NCF2: variants seen among roughly 807,000 people sequenced by gnomAD.
NCF2 encodes the protein neutrophil cytosolic factor 2.
NCF2 carries 45 observed loss-of-function variants against 70.9 expected under a neutral mutation model. The ratio of observed to expected loss-of-function variants is 0.63; its 90% CI spans 0.50 to 0.81. The LOEUF (loss-of-function observed/expected upper bound fraction) is 0.81, where lower values mean the gene tolerates loss of function less well. NCF2 is among the 40% of genes least tolerant of loss of function. NCF2 has a pLI of 0.00. For missense variants in NCF2, 522 were observed against 631.6 expected (o/e 0.83, Z 1.86); for synonymous variants, 203 against 233.6 (o/e 0.87, Z 1.19).
the NCF2 span, chr1:183,597,772 C>A: frequency 6.6e-6 from 1 of 152,336 alleles, no homozygotes; most frequent in East Asian, 1.9e-4. Flanking sequence ...CCTGTAGTGT[C>A]CCTAACGACC....
At chr1:183,586,402 TC>T (rs1406136590) in intron 2 of NCF2, among the ~76,000 whole-genome samples, 2 of 152,272 alleles carry the variant, frequency 1.3e-5, no homozygotes, top group African/African-American at 4.8e-5. Flanking sequence ...TACTTACTTA[TC>T]TGTAGTAATT....
the NCF2 span, among the ~76,000 whole-genome samples, chr1:183,600,484 C>A: frequency 5.6e-4 from 86 of 152,320 alleles, no homozygotes; most frequent in Non-Finnish European, 1.0e-3. Flanking sequence ...CAAAGATTGT[C>A]TTCTGTTCAT....
chr1:183,580,527 C>A (rs974273808), intron 2 of NCF2, among the ~76,000 whole-genome samples: 1 of 152,180 alleles, frequency 6.6e-6, no homozygotes, highest in Non-Finnish European at 1.5e-5. Context: ...AGAGGGCACA[C>A]ACTTTAACTG....
chr1:183,590,393 G>A lies in NCF2; in HGVS notation c.-64C>T, dbSNP rs561556995. The stretch of plus-strand genomic sequence containing the variant: ...AGACAGAGAGAAGACAGGTTGGAGC[G>A]TCTCCCCTAGCAGGGCTGCCTTAGT... On this transcript the variant is annotated 5_prime_UTR_variant, in exon 1 of 15. It adds an upstream start codon to the 5' untranslated region. Transcript: ENST00000367535. 117 of 1,593,628 alleles carry A rather than the reference G, an allele frequency of 7.3e-5. No individual in the cohort carries two copies. The highest frequency in any genetic ancestry group is 7.7e-5 in the South Asian group (7 of 90,356).
intron 13 of NCF2, among the ~76,000 whole-genome samples, chr1:183,562,527 C>A (rs1318785676): frequency 6.6e-6 from 1 of 152,108 alleles, no homozygotes; most frequent in Non-Finnish European, 1.5e-5. Flanking sequence ...TTATACACTG[C>A]CCTTTTCTAG....
Position 183,573,571 on chromosome 1 carries a change from G to T in NCF2, c.502-279C>A, listed in dbSNP as rs529496026. Among the ~76,000 whole-genome samples the T allele has an allele frequency of 6.9e-4, 105 of 152,198 alleles. 1 individual carries two copies. Among genetic ancestry groups the T allele is most frequent in the African/African-American group, 2.3e-3 (95 of 41,516 alleles). ...TCCTCTCCCACTCTGTGTGCTGTCC[G>T]TGGGGTTCTCTCATGGTGTAGAGGG... On this transcript the variant is annotated intron_variant, in intron 4 of 14. Transcript: ENST00000367535.
At chr1:183,586,573 C>T (rs1673362696) in intron 2 of NCF2, among the ~76,000 whole-genome samples, 3 of 152,138 alleles carry the variant, frequency 2.0e-5, no homozygotes, top group Admixed American at 1.3e-4. Context: ...AGCTCAGTAC[C>T]TCATAGGAGA....
chr1:183,583,296 C>T (rs1036462389), intron 2 of NCF2, among the ~76,000 whole-genome samples: 9 of 152,264 alleles, frequency 5.9e-5, no homozygotes, highest in Middle Eastern at 3.4e-3. Flanking sequence ...TCAGGTGATC[C>T]GCCTACCTTG....
At position 183,556,083 on chromosome 1, in the gene NCF2, T is replaced by G. The variant is rs1671759161; in HGVS notation, c.*35A>C. On this transcript the variant is annotated 3_prime_UTR_variant, in exon 15 of 15. Transcript: ENST00000367535. Reference sequence around the variant, plus strand: ...AAATCTTACAAACAAGTAATAGGGCTTCATTTTCTTCAGCTTTGTAGTTTG... The same window carrying G: ...AAATCTTACAAACAAGTAATAGGGCGTCATTTTCTTCAGCTTTGTAGTTTG... The G allele has an allele frequency of 6.4e-7, 1 of 1,551,250 alleles. No individual in the cohort carries two copies. Among genetic ancestry groups the G allele is most frequent in the East Asian group, 2.2e-5 (1 of 44,592 alleles).
intron 14 of NCF2, among the ~76,000 whole-genome samples, chr1:183,558,421 C>G (rs757702877): frequency 4.0e-5 from 6 of 151,568 alleles, no homozygotes; most frequent in Non-Finnish European, 7.4e-5. Flanking sequence ...GCACCTACCA[C>G]TATACCCGGC....
chr1:183,582,995 A>G (rs539258527), intron 2 of NCF2, among the ~76,000 whole-genome samples: 24 of 152,286 alleles, frequency 1.6e-4, no homozygotes, highest in African/African-American at 5.5e-4. Flanking sequence ...TAGAGGGGGA[A>G]AAACCTCCAT....
the NCF2 span, among the ~76,000 whole-genome samples, chr1:183,599,423 C>CTTCTTTCTTTCTTTCCTTCTTTCTTTCT: frequency 1.9e-5 from 2 of 107,426 alleles, no homozygotes; most frequent in Admixed American, 2.0e-4. Flanking sequence ...TCTTTCTTTC[C>CTTCTTTCTTTCTTTCCTTCTTTCTTTCT]TTCTTTCTTT....
chr1:183,571,002 G>T (rs1055953833), intron 5 of NCF2, among the ~76,000 whole-genome samples, 163 bp from the exon 6 acceptor site: 2 of 151,932 alleles, frequency 1.3e-5, no homozygotes, highest in African/African-American at 4.8e-5. Context: ...TAGGATTTCA[G>T]CAACTGAAGA....
At position 183,583,513 on chromosome 1, in the gene NCF2, G is replaced by A. The variant is rs116135234; in HGVS notation, c.257+3382C>T. On this transcript the variant is annotated intron_variant, in intron 2 of 14. Transcript: ENST00000367535. Reference sequence around the variant, plus strand: ...CCCCTTTTTAATTTATAAGTTCCTTGAAACGGAGACTATATTTTGCTCACT... The same window carrying A: ...CCCCTTTTTAATTTATAAGTTCCTTAAAACGGAGACTATATTTTGCTCACT... Among the ~76,000 whole-genome samples, 264 of 152,308 alleles carry A rather than the reference G, an allele frequency of 1.7e-3. 2 individuals are homozygous for A. The highest frequency in any genetic ancestry group is 0.014 in the Middle Eastern group (4 of 294).
At chr1:183,588,605 T>G (rs1458459946) in intron 1 of NCF2, among the ~76,000 whole-genome samples, 2 of 151,806 alleles carry the variant, frequency 1.3e-5, no homozygotes, top group African/African-American at 4.8e-5. Context: ...TTATTGCAAA[T>G]GAAAATAATT....
At chr1:183,570,374 C>T (rs36083816) in intron 6 of NCF2, among the ~76,000 whole-genome samples, 99 of 152,370 alleles carry the variant, frequency 6.5e-4, no homozygotes, top group African/African-American at 2.2e-3. Flanking sequence ...CCAGGAGAGC[C>T]CAAACCTCAG....
chr1:183,597,917 G>A, the NCF2 span: 1 of 152,258 alleles, frequency 6.6e-6, no homozygotes, highest in Non-Finnish European at 1.5e-5. Context: ...GGTAGGCCCT[G>A]TGGCCACATT....
At chr1:183,571,948 C>T (rs1246158801) in intron 5 of NCF2, among the ~76,000 whole-genome samples, 4 of 152,158 alleles carry the variant, frequency 2.6e-5, no homozygotes, top group Admixed American at 6.5e-5. Context: ...TTTATGGCTA[C>T]GTAGTATTCT....
intron 7 of NCF2, among the ~76,000 whole-genome samples, chr1:183,567,687 G>A (rs1374676719): frequency 6.6e-6 from 1 of 152,174 alleles, no homozygotes; most frequent in East Asian, 1.9e-4. Flanking sequence ...GGCTGGGGTG[G>A]GGTGGATCAG....
Sources: allele counts gnomAD v4.1 joint callset (sites outside exome capture counted in the v4.1 genomes callset), GRCh38; gene constraint gnomAD v4.1.1; transcripts MANE v1.5; gene names NCBI Gene and HGNC (gene_info 2026-07-23, HGNC 2026-07-21).